MECOM: variants seen among roughly 807,000 people sequenced by gnomAD.
The protein encoded by MECOM is histone-lysine N-methyltransferase MECOM.
MECOM carries 13 observed loss-of-function variants against 116.3 expected under a neutral mutation model. The observed-to-expected ratio is 0.11, with a 90% CI of 0.07 to 0.18. MECOM has a LOEUF of 0.18. MECOM is among the 10% of genes least tolerant of loss of function. The pLI, the probability that MECOM is intolerant of heterozygous loss-of-function variation, is 1.00. For missense variants in MECOM, 1,299 were observed against 1,509.0 expected (o/e 0.86, Z 2.31); for synonymous variants, 528 against 535.2 (o/e 0.99, Z 0.19).
chr3:169,346,806 G>A (rs1468747259), intron 2 of MECOM, among the ~76,000 whole-genome samples: 1 of 151,972 alleles, frequency 6.6e-6, no homozygotes, highest in African/African-American at 2.4e-5. Context: ...TCAGCATATA[G>A]TTCCATATAT....
intron 2 of MECOM, among the ~76,000 whole-genome samples, chr3:169,259,923 C>T (rs567222551): frequency 6.6e-6 from 1 of 152,222 alleles, no homozygotes; most frequent in Admixed American, 6.5e-5. Flanking sequence ...TGATCTTGGT[C>T]AAATTTGTTA....
chr3:169,454,915 T>C (rs2108690656), intron 1 of MECOM, among the ~76,000 whole-genome samples: 1 of 152,314 alleles, frequency 6.6e-6, no homozygotes, highest in East Asian at 1.9e-4. Context: ...TTTATAAATA[T>C]TTAATGCTTG....
At chr3:169,258,337 G>A (rs904644689) in intron 2 of MECOM, among the ~76,000 whole-genome samples, 1 of 152,174 alleles carries the variant, frequency 6.6e-6, no homozygotes, top group Non-Finnish European at 1.5e-5. Context: ...AGAACTAGAA[G>A]TGATTTTGGA....
chr3:169,377,808 A>C (rs1159717635), intron 2 of MECOM, among the ~76,000 whole-genome samples: 1 of 152,108 alleles, frequency 6.6e-6, no homozygotes, highest in Non-Finnish European at 1.5e-5. Context: ...TTCACCCAGC[A>C]ATCCCATTAC....
chr3:169,629,298 C>T (rs1401553407), intron 1 of MECOM, among the ~76,000 whole-genome samples: 1 of 151,822 alleles, frequency 6.6e-6, no homozygotes, highest in East Asian at 1.9e-4. Context: ...ACCATGCAGA[C>T]AATGTGGTTT....
At chr3:169,619,476 G>C (rs1311264701) in intron 1 of MECOM, among the ~76,000 whole-genome samples, 2 of 152,252 alleles carry the variant, frequency 1.3e-5, no homozygotes, top group South Asian at 2.1e-4. Context: ...TCAAGATTTT[G>C]CTGTCACTTT....
chr3:169,505,839 C>T (rs942379973), intron 1 of MECOM, among the ~76,000 whole-genome samples: 1 of 152,204 alleles, frequency 6.6e-6, no homozygotes, highest in Admixed American at 6.5e-5. Context: ...AATAAAGACT[C>T]TTTCTCTGTC....
chr3:169,275,169 G>A (rs554896106), intron 2 of MECOM, among the ~76,000 whole-genome samples: 1 of 152,300 alleles, frequency 6.6e-6, no homozygotes, highest in South Asian at 2.1e-4. Flanking sequence ...ATGGAGAAAT[G>A]CTTACCATAG....
intron 4 of MECOM, among the ~76,000 whole-genome samples, chr3:169,130,472 G>GCCCTCC (rs1390856482): frequency 1.5e-5 from 1 of 68,962 alleles, no homozygotes; most frequent in Non-Finnish European, 2.9e-5. Context: ...CCCGCCGCCA[G>GCCCTCC]CCCTCCCCCT....
chr3:169,604,221 A>C (rs1768198865), intron 1 of MECOM, among the ~76,000 whole-genome samples: 1 of 146,628 alleles, frequency 6.8e-6, no homozygotes, highest in Non-Finnish European at 1.5e-5. Flanking sequence ...AGAGAGAGAA[A>C]TCTCTCTCTC....
At chr3:169,650,324 A>G (rs1433569367) in intron 1 of MECOM, among the ~76,000 whole-genome samples, 2 of 152,230 alleles carry the variant, frequency 1.3e-5, no homozygotes, top group Non-Finnish European at 2.9e-5. Flanking sequence ...TGGGTCTAGT[A>G]GCATCAGTTG....
At position 169,127,975 on chromosome 3, in the gene MECOM, A is replaced by T; in HGVS notation, c.699T>A (p.Ser233Arg). ...ELADHQKFPC[S>R]TPHSAFSMVE... ...CCATTGAAAATGCTGAGTGAGGAGT[A>T]CTGCATGGAAACTTTTGGTGATCTG... Residue 233 changes from serine to arginine, a missense_variant, in exon 5 of 17, where the codon AGT becomes AGA. Physicochemically the swap from Ser to Arg is moderately radical, Grantham distance 110. Transcript: ENST00000651503. 6.2e-7 allele frequency: 1 copy of T among 1,614,084 alleles called. No homozygotes were observed. The highest frequency in any genetic ancestry group is 8.5e-7 in the Non-Finnish European group (1 of 1,179,938).
rs116250131 is a variant in MECOM, at chr3:169,177,579, G to A, written c.376-33747C>T. ...ACCTGCATTTTCTGCATATGTATCC[G>A]AGAACTTAAAGTAAAATTAAAAAAT... On this transcript the variant is annotated intron_variant, in intron 2 of 16. Transcript: ENST00000651503. Among the ~76,000 whole-genome samples the A allele has an allele frequency of 8.0e-3, 1,221 of 152,064 alleles. 8 individuals carry two copies. The highest frequency in any genetic ancestry group is 0.021 in the South Asian group (102 of 4,794).
chr3:169,660,552 GA>G (rs1776149537), intron 1 of MECOM, among the ~76,000 whole-genome samples: 1 of 152,014 alleles, frequency 6.6e-6, no homozygotes, highest in Non-Finnish European at 1.5e-5. Context: ...AAGACAAAAA[GA>G]ACAACAAGCT....
intron 1 of MECOM, among the ~76,000 whole-genome samples, chr3:169,630,644 G>A (rs1358690176): frequency 1.3e-5 from 2 of 151,976 alleles, no homozygotes; most frequent in Admixed American, 6.6e-5. Context: ...TTTTATTTTT[G>A]TAGAGAAGGG....
intron 1 of MECOM, among the ~76,000 whole-genome samples, chr3:169,499,234 A>C (rs1475910813): frequency 2.0e-5 from 3 of 151,364 alleles, no homozygotes. Context: ...AACAGTCACA[A>C]GAAGTACCAA....
chr3:169,162,402 C>T (rs753208887), intron 2 of MECOM, among the ~76,000 whole-genome samples: 10 of 152,038 alleles, frequency 6.6e-5, no homozygotes, highest in Admixed American at 1.3e-4. Context: ...CAAGACTGTA[C>T]GTCATTAAGT....
At chr3:169,428,713 A>G (rs79642010) in intron 1 of MECOM, among the ~76,000 whole-genome samples, 114 of 152,258 alleles carry the variant, frequency 7.5e-4, no homozygotes, top group Non-Finnish European at 1.4e-3. Flanking sequence ...CTTTTACCTC[A>G]AATTATTTTT....
intron 2 of MECOM, among the ~76,000 whole-genome samples, chr3:169,222,127 C>G (rs6774561): frequency 0.62 from 94,308 of 151,974 alleles, 29,366 homozygotes; most frequent in African/African-American, 0.67. Flanking sequence ...GAGAACATTC[C>G]CATCGTCACA....
Sources: gnomAD v4.1 joint callset for allele counts (sites outside exome capture counted in the v4.1 genomes callset) on GRCh38, gnomAD v4.1.1 for gene constraint, MANE v1.5 for transcripts, NCBI Gene and HGNC (gene_info 2026-07-23, HGNC 2026-07-21) for gene names.